DNAJC21: variants seen among roughly 807,000 people sequenced by gnomAD.
The protein encoded by DNAJC21 is dnaJ homolog subfamily C member 21.
DNAJC21 carries 63 observed loss-of-function variants against 72.4 expected under a neutral mutation model. The observed-to-expected ratio is 0.87, with a 90% CI of 0.71 to 1.07. DNAJC21 has a LOEUF of 1.07. DNAJC21 is among the 50% of genes least tolerant of loss of function. DNAJC21 has a pLI of 0.00. For synonymous variants in DNAJC21, 203 were observed against 216.7 expected (o/e 0.94, Z 0.56); for missense variants, 634 against 644.8 (o/e 0.98, Z 0.18).
chr5:34,930,597 CT>C lies in DNAJC21; in HGVS notation c.97+682del, dbSNP rs201130630. On this transcript the variant is annotated intron_variant, in intron 1 of 11. Coordinates refer to ENST00000648817, the MANE Select transcript of DNAJC21 (RefSeq NM_001012339.3). ...TCCTTCCTTTGGATGTTTCATTGGT[CT>C]GTAATCCAGGCCTGTGTGACTTTTA... Among the ~76,000 whole-genome samples, 702 of 152,238 alleles carry C rather than the reference CT, an allele frequency of 4.6e-3. 7 individuals are homozygous for C. The highest frequency in any genetic ancestry group is 0.016 in the African/African-American group (681 of 41,534).
chr5:34,933,093 A>T (rs898952695), intron 1 of DNAJC21, among the ~76,000 whole-genome samples: 8 of 152,202 alleles, frequency 5.3e-5, no homozygotes, highest in Non-Finnish European at 1.0e-4. Flanking sequence ...TATTTTTTAA[A>T]CTTTATGAGA....
intron 10 of DNAJC21, chr5:34,951,325 T>C (rs978636473): frequency 1.0e-6 from 1 of 985,270 alleles, no homozygotes; most frequent in African/African-American, 1.7e-5. Flanking sequence ...GAATTTCAGG[T>C]TAATTGTCCA....
intron 1 of DNAJC21, among the ~76,000 whole-genome samples, chr5:34,933,481 C>CTGGT (rs2112022657): frequency 6.6e-6 from 1 of 152,190 alleles, no homozygotes; most frequent in Admixed American, 6.5e-5. Flanking sequence ...CCATGTTGAC[C>CTGGT]ACCAGGCTGG....
Position 34,950,182 on chromosome 5 carries a change from A to G in DNAJC21, c.1198A>G (p.Asn400Asp). The G allele has an allele frequency of 6.2e-7, 1 of 1,604,584 alleles. No homozygotes were observed. The highest frequency in any genetic ancestry group is 8.5e-7 in the Non-Finnish European group (1 of 1,176,956). ...KQKPAQNYDD[N>D]FNVNGPGEGV... ...TTTTATTACCTAGAATTATGATGAC[A>G]ATTTCAATGTAAATGGACCTGGAGA... Residue 400 changes from asparagine to aspartate, a missense_variant, in exon 10 of 12, where the codon AAT (asparagine) becomes GAT (aspartate). Asn to Asp is a conservative substitution (Grantham distance 23, BLOSUM62 1). Coordinates refer to ENST00000648817, the MANE Select transcript of DNAJC21 (RefSeq NM_001012339.3).
intron 10 of DNAJC21, chr5:34,951,811 A>G (rs1765376415): frequency 1.0e-6 from 1 of 985,392 alleles, no homozygotes; most frequent in Non-Finnish European, 1.2e-6. Flanking sequence ...GGTGTGAGCT[A>G]CCGTGTCTGG....
chr5:34,941,669 C>T (rs539528025), intron 7 of DNAJC21, among the ~76,000 whole-genome samples: 5 of 145,418 alleles, frequency 3.4e-5, no homozygotes, highest in African/African-American at 1.3e-4. Flanking sequence ...TGGATTCAAG[C>T]GATTCTCCTG....
chr5:34,955,922 G>A lies in DNAJC21; in HGVS notation c.*1208G>A, dbSNP rs1382067917. The A allele has an allele frequency of 2.0e-5, 3 of 148,886 alleles. No homozygotes were observed. The highest frequency in any genetic ancestry group is 7.4e-5 in the African/African-American group (3 of 40,594). The allele number at this position is 148,886 out of a possible 1,614,324, so 9.2% of individuals were successfully genotyped here. A position where few individuals can be genotyped will look rare whatever the true frequency, so the allele number is the denominator to read the frequency against. ...CAAAAAATTAGCCGGGCGTAGTGGC[G>A]GGCGCCTGTAGTCCCAGCTACTTGG... On this transcript the variant is annotated 3_prime_UTR_variant, in exon 12 of 12. Transcript: ENST00000648817.
At chr5:34,935,680 T>C in intron 2 of DNAJC21, 30 bp from the exon 3 acceptor site, 3 of 1,613,412 alleles carry the variant, frequency 1.9e-6, no homozygotes, top group South Asian at 1.1e-5. Flanking sequence ...TTATTCAGCC[T>C]TCACAATGAT....
rs781273254 is a variant in DNAJC21, at chr5:34,937,656, T to C, written c.743+26T>C. 5 of 1,589,348 alleles carry C rather than the reference T, an allele frequency of 3.1e-6. No homozygotes were observed. The South Asian group carries it at 4.6e-5, about 15-fold the overall frequency. On this transcript the variant is annotated intron_variant, in intron 5 of 11. Coordinates refer to ENST00000648817, the MANE Select transcript of DNAJC21 (RefSeq NM_001012339.3). ...GTGCGTAGCGTGCGTGGGGCCCTCT[T>C]CTCAGTATCGGTGGGGGTCAGAGGC...
chr5:34,938,939 C>G lies in DNAJC21; in HGVS notation c.825C>G (p.Tyr275Ter). 1.9e-6 allele frequency: 3 copies of G among 1,613,694 alleles called. No individual in the cohort carries two copies. The highest frequency in any genetic ancestry group is 2.5e-6 in the Non-Finnish European group (3 of 1,179,938). The change falls in exon 6 of 12, where the codon TAC (tyrosine) becomes TAG (stop). Residue 275 changes from tyrosine to a stop codon, truncating the protein, a stop_gained. Coordinates refer to ENST00000648817, the MANE Select transcript of DNAJC21 (RefSeq NM_001012339.3). LOFTEE classifies it high-confidence loss of function. ...AGCTCCAGGAGATGGAGGCACGGTACGAGAAGGAGTTTGGAGATGGATCGG... is the reference window on the plus strand; with the variant it reads ...AGCTCCAGGAGATGGAGGCACGGTAGGAGAAGGAGTTTGGAGATGGATCGG... Reference protein sequence around the residue: ...EKELQEMEARYEKEFGDGSDE... With the variant: ...EKELQEMEAR
chr5:34,932,624 T>C (rs1326825136), intron 1 of DNAJC21, among the ~76,000 whole-genome samples: 1 of 152,208 alleles, frequency 6.6e-6, no homozygotes, highest in Non-Finnish European at 1.5e-5. Context: ...GCGGCTTTGC[T>C]AGGTGGTTTT....
At position 34,929,831 on chromosome 5, in the gene DNAJC21, C is replaced by T. The variant is rs767956178; in HGVS notation, c.12C>T (p.His4=). 30 of 1,556,706 alleles carry T rather than the reference C, an allele frequency of 1.9e-5. No individual in the cohort carries two copies. The highest frequency in any genetic ancestry group is 3.7e-4 in the Middle Eastern group (2 of 5,356). Residue 4 remains histidine (H), a synonymous_variant, in exon 1 of 12, where the codon CAC becomes CAT. Transcript: ENST00000648817. ...CGCCCGGTCGGGCGATGAAGTGTCA[C>T]TATGAGGCGCTGGGGGTGCGGCGCG... MKC[H]YEALGVRRDA... is the part of the protein sequence containing the mutation.
Position 34,937,342 on chromosome 5 carries a change from A to G in DNAJC21, c.455A>G (p.Tyr152Cys). Residue 152 changes from tyrosine (Y) to cysteine (C), a missense_variant, in exon 5 of 12, where the codon TAC becomes TGC. Coordinates refer to ENST00000648817, the MANE Select transcript of DNAJC21 (RefSeq NM_001012339.3). ...SDYDTVVHPF[Y>C]AYWQSFCTQK... Reference sequence around the variant, plus strand: ...TGTCACTAGGTAGTCCATCCTTTCTACGCTTATTGGCAGAGTTTCTGCACT... The same window carrying G: ...TGTCACTAGGTAGTCCATCCTTTCTGCGCTTATTGGCAGAGTTTCTGCACT... 1 of 1,611,838 alleles carries G rather than the reference A, an allele frequency of 6.2e-7. No individual in the cohort carries two copies. The highest frequency in any genetic ancestry group is 8.5e-7 in the Non-Finnish European group (1 of 1,179,110).
At position 34,954,015 on chromosome 5, in the gene DNAJC21, A is replaced by G. The variant is rs1023120213; in HGVS notation, c.1434+14A>G. The G allele has an allele frequency of 4.4e-6, 7 of 1,599,146 alleles. No homozygotes were observed. In the Admixed American group the frequency reaches 1.2e-4, roughly 28 times the overall value. ...CCACAAACAATGGTAGGTCAAAATC[A>G]TATTCATATCTCTTTAGCATATCTT... On this transcript the variant is annotated intron_variant, in intron 11 of 11. Transcript: ENST00000648817.
chr5:34,952,083 G>A, intron 10 of DNAJC21: 5 of 985,294 alleles, frequency 5.1e-6, no homozygotes, highest in Non-Finnish European at 6.0e-6. Context: ...CTGGAGTGGT[G>A]TGGACACTGG....
chr5:34,954,844 T>C lies in DNAJC21; in HGVS notation c.*130T>C. The C allele has an allele frequency of 9.2e-7, 1 of 1,087,736 alleles. No individual in the cohort carries two copies. Among genetic ancestry groups the C allele is most frequent in the Non-Finnish European group, 1.2e-6 (1 of 806,896 alleles). The allele number at this position is 1,087,736 out of a possible 1,614,324, so 67.4% of individuals were successfully genotyped here. The stretch of plus-strand genomic sequence containing the variant: ...CATTGTGGAAGATTATTTTTTATCT[T>C]GTAAAAACACTTTTTTGGTTTAATA... On this transcript the variant is annotated 3_prime_UTR_variant, in exon 12 of 12. Coordinates refer to ENST00000648817, the MANE Select transcript of DNAJC21 (RefSeq NM_001012339.3).
chr5:34,954,023 A>G (rs368152440), intron 11 of DNAJC21, 22 bp downstream of exon 11: 3 of 1,591,122 alleles, frequency 1.9e-6, no homozygotes, highest in African/African-American at 2.7e-5. Context: ...TCATATTCAT[A>G]TCTCTTTAGC....
Position 34,957,699 on chromosome 5 carries a change from C to CA in DNAJC21, c.*2986dup, listed in dbSNP as rs537910173. On this transcript the variant is annotated 3_prime_UTR_variant, in exon 12 of 12. Coordinates refer to ENST00000648817, the MANE Select transcript of DNAJC21 (RefSeq NM_001012339.3). Reference sequence around the variant, plus strand: ...TTGTCTCTAAAATTGTGGTTTAACTCACGCAGGAAGTAAAATTCCTATAGC... The same window carrying CA: ...TTGTCTCTAAAATTGTGGTTTAACTCAACGCAGGAAGTAAAATTCCTATAGC... The CA allele has an allele frequency of 6.6e-6, 1 of 152,202 alleles. No homozygotes were observed. Among genetic ancestry groups the CA allele is most frequent in the Non-Finnish European group, 1.5e-5 (1 of 68,030 alleles). 9.4% of individuals were successfully genotyped at this position (152,202 alleles called of 1,614,324 possible).
In DNAJC21 at chr5:34,957,700, AC is replaced by A. The variant is rs1364239786; in HGVS notation, c.*2987del. 1.4e-4 allele frequency: 21 copies of A among 152,334 alleles called. No individual in the cohort carries two copies. The highest frequency in any genetic ancestry group is 5.1e-4 in the African/African-American group (21 of 41,582). The allele number at this position is 152,334 out of a possible 1,614,324, so 9.4% of individuals were successfully genotyped here. A position where few individuals can be genotyped will look rare whatever the true frequency, so the allele number is the denominator to read the frequency against. On this transcript the variant is annotated 3_prime_UTR_variant, in exon 12 of 12. Transcript: ENST00000648817. ...TGTCTCTAAAATTGTGGTTTAACTC[AC>A]GCAGGAAGTAAAATTCCTATAGCAA...
Sources: allele counts gnomAD v4.1 joint callset (sites outside exome capture counted in the v4.1 genomes callset), GRCh38; gene constraint gnomAD v4.1.1; transcripts MANE v1.5; gene names NCBI Gene and HGNC (gene_info 2026-07-23, HGNC 2026-07-21).